Variants in ELMO1 observed in about 807,000 individuals in gnomAD.
The protein encoded by ELMO1 is engulfment and cell motility protein 1.
Under a neutral mutation model 98.9 loss-of-function variants are expected in ELMO1, and 26 were observed. That is an observed-to-expected ratio of 0.26 (90% CI 0.19 to 0.36). The LOEUF is 0.36. ELMO1 is among the 10% of genes least tolerant of loss of function. The pLI is 1.00. For synonymous variants in ELMO1, 346 were observed against 346.0 expected, an observed-to-expected ratio of 1.00 and a Z score of 0.00; for missense variants, 627 against 935.2, an observed-to-expected ratio of 0.67 and a Z score of 4.30.
chr7:37,179,752 A>C (rs1790728998), intron 13 of ELMO1, among the ~76,000 whole-genome samples: 1 of 152,208 alleles, frequency 6.6e-6, no homozygotes, highest in African/African-American at 2.4e-5. Context: ...TAAGCTGTAC[A>C]TTAATAATCA....
intron 13 of ELMO1, among the ~76,000 whole-genome samples, chr7:37,200,703 C>T (rs1380170236): frequency 6.6e-6 from 1 of 152,130 alleles, no homozygotes; most frequent in Non-Finnish European, 1.5e-5. Context: ...CCATGGCTCA[C>T]ACCTGTAATC....
intron 16 of ELMO1, among the ~76,000 whole-genome samples, chr7:36,980,039 C>G (rs895779662): frequency 1.3e-5 from 2 of 152,206 alleles, no homozygotes; most frequent in Admixed American, 6.5e-5. Context: ...CTTGACAGGT[C>G]TCTCATCACT....
At chr7:37,216,999 G>A (rs1180766728) in intron 10 of ELMO1, among the ~76,000 whole-genome samples, 1 of 152,176 alleles carries the variant, frequency 6.6e-6, no homozygotes, top group Admixed American at 6.5e-5. Flanking sequence ...TCCAAACAAA[G>A]CAATGGCTAT....
At chr7:36,932,096 T>G (rs948267483) in intron 16 of ELMO1, among the ~76,000 whole-genome samples, 1 of 151,890 alleles carries the variant, frequency 6.6e-6, no homozygotes, top group Non-Finnish European at 1.5e-5. Context: ...ATTCATTCAT[T>G]CATGCACAGA....
intron 17 of ELMO1, 73 bp from the exon 18 acceptor site, chr7:36,887,745 A>C: frequency 1.5e-6 from 2 of 1,367,380 alleles, no homozygotes; most frequent in Middle Eastern, 1.8e-4. Context: ...CATCATGGGC[A>C]TACGGGCAGG....
At chr7:37,201,508 A>G (rs949877222) in intron 13 of ELMO1, among the ~76,000 whole-genome samples, 4 of 152,238 alleles carry the variant, frequency 2.6e-5, no homozygotes, top group African/African-American at 7.2e-5. Flanking sequence ...CCCATCTGCC[A>G]TGAACATCAG....
chr7:37,115,922 A>C (rs2129281884), intron 14 of ELMO1, among the ~76,000 whole-genome samples: 2 of 152,332 alleles, frequency 1.3e-5, no homozygotes, highest in Admixed American at 1.3e-4. Flanking sequence ...AATTGTAACA[A>C]ATGAGCCATT....
intron 7 of ELMO1, 36 bp from the exon 8 acceptor site, chr7:37,233,230 C>A: frequency 6.4e-7 from 1 of 1,571,642 alleles, no homozygotes; most frequent in South Asian, 1.2e-5. Flanking sequence ...GTCAAGAGCC[C>A]CAAAGCTGAG....
intron 18 of ELMO1, among the ~76,000 whole-genome samples, chr7:36,886,553 G>A (rs1219757731): frequency 6.6e-6 from 1 of 152,164 alleles, no homozygotes; most frequent in African/African-American, 2.4e-5. Context: ...GGTGTTCTTA[G>A]TATAGCTGCT....
intron 15 of ELMO1, among the ~76,000 whole-genome samples, chr7:37,016,682 C>T (rs1050971385): frequency 2.6e-5 from 4 of 152,328 alleles, no homozygotes; most frequent in Admixed American, 6.5e-5. Flanking sequence ...AGTACCAAGG[C>T]CTGCACCGCC....
chr7:36,866,900 G>T (rs531848090), intron 20 of ELMO1, among the ~76,000 whole-genome samples: 1 of 152,206 alleles, frequency 6.6e-6, no homozygotes, highest in Non-Finnish European at 1.5e-5. Flanking sequence ...GGGGAAAGGG[G>T]TGTGGGTTGG....
At chr7:37,235,813 G>A (rs1038602564) in intron 7 of ELMO1, among the ~76,000 whole-genome samples, 4 of 152,192 alleles carry the variant, frequency 2.6e-5, no homozygotes, top group Non-Finnish European at 5.9e-5. Context: ...GGCGCCTGTA[G>A]TTCCAGCTAC....
intron 1 of ELMO1, among the ~76,000 whole-genome samples, chr7:37,386,819 C>A (rs1342931883): frequency 3.9e-5 from 6 of 152,336 alleles, no homozygotes; most frequent in Middle Eastern, 3.4e-3. Flanking sequence ...CCTCCCCAAG[C>A]CCTTCCCTGC....
At chr7:37,138,984 T>A (rs1228974617) in intron 13 of ELMO1, among the ~76,000 whole-genome samples, 1 of 152,212 alleles carries the variant, frequency 6.6e-6, no homozygotes, top group Non-Finnish European at 1.5e-5. Flanking sequence ...CATATGATCA[T>A]CTCAACAGAT....
At chr7:37,436,484 C>T (rs1469746343) in intron 1 of ELMO1, among the ~76,000 whole-genome samples, 1 of 152,174 alleles carries the variant, frequency 6.6e-6, no homozygotes, top group Non-Finnish European at 1.5e-5. Context: ...ACTTTCAAAG[C>T]ACTAATTTGG....
chr7:37,310,887 T>C (rs538158522), intron 4 of ELMO1, among the ~76,000 whole-genome samples: 1 of 152,274 alleles, frequency 6.6e-6, no homozygotes, highest in Non-Finnish European at 1.5e-5. Flanking sequence ...AATACCTGCA[T>C]CATTGGACTG....
chr7:37,148,568 T>G (rs1788150437), intron 13 of ELMO1, among the ~76,000 whole-genome samples: 1 of 152,168 alleles, frequency 6.6e-6, no homozygotes, highest in African/African-American at 2.4e-5. Context: ...ATACAAAGAA[T>G]TACCATAAAA....
intron 16 of ELMO1, among the ~76,000 whole-genome samples, chr7:36,925,059 G>A (rs886423412): frequency 1.3e-5 from 2 of 152,062 alleles, no homozygotes; most frequent in African/African-American, 4.8e-5. Flanking sequence ...GCTACACGTT[G>A]TACAATGCAC....
chr7:36,981,944 T>C (rs1289875308), intron 16 of ELMO1, among the ~76,000 whole-genome samples: 1 of 151,756 alleles, frequency 6.6e-6, no homozygotes, highest in Middle Eastern at 3.2e-3. Flanking sequence ...GATGATGGAG[T>C]GAGAGAAGTT....
Sources: allele counts gnomAD v4.1 joint callset (sites outside exome capture counted in the v4.1 genomes callset), GRCh38; gene constraint gnomAD v4.1.1; transcripts MANE v1.5; gene names NCBI Gene and HGNC (gene_info 2026-07-23, HGNC 2026-07-21).